CNTN5: variants seen among roughly 807,000 people sequenced by gnomAD.
The protein encoded by CNTN5 is contactin-5.
Under a neutral mutation model 129.1 loss-of-function variants are expected in CNTN5, and 77 were observed. The observed-to-expected ratio is 0.60, with a 90% CI of 0.50 to 0.72. The LOEUF (loss-of-function observed/expected upper bound fraction) is 0.72. Among genes scored for constraint, CNTN5 ranks in the 30% least tolerant of loss-of-function variants. CNTN5 has a pLI of 0.00. For synonymous variants in CNTN5, 509 were observed against 465.6 expected (o/e 1.09, Z -1.20); for missense variants, 1,478 against 1,328.8 (o/e 1.11, Z -1.75).
chr11:99,600,994 C>A (rs1320307958), intron 3 of CNTN5, among the ~76,000 whole-genome samples: 2 of 152,126 alleles, frequency 1.3e-5, no homozygotes, highest in African/African-American at 4.8e-5. Context: ...CCCTTCTCTC[C>A]TTGTTTTGTC....
chr11:99,740,674 A>G (rs1396302513), intron 3 of CNTN5, among the ~76,000 whole-genome samples: 1 of 152,192 alleles, frequency 6.6e-6, no homozygotes, highest in Non-Finnish European at 1.5e-5. Flanking sequence ...GGCATCAGGT[A>G]TAATTATCAA....
chr11:99,759,473 A>G (rs903120842), intron 3 of CNTN5, among the ~76,000 whole-genome samples: 2 of 152,066 alleles, frequency 1.3e-5, no homozygotes, highest in Non-Finnish European at 2.9e-5. Context: ...ACTGAAGCCT[A>G]CAGCACAGTT....
chr11:99,127,565 A>C (rs1158853834), intron 1 of CNTN5, among the ~76,000 whole-genome samples: 1 of 152,098 alleles, frequency 6.6e-6, no homozygotes, highest in Non-Finnish European at 1.5e-5. Flanking sequence ...TCAAGATCTC[A>C]CTTCACCAGT....
chr11:99,122,551 T>G (rs1269300363), intron 1 of CNTN5, among the ~76,000 whole-genome samples: 1 of 152,146 alleles, frequency 6.6e-6, no homozygotes, highest in East Asian at 1.9e-4. Context: ...TTATTATTTT[T>G]TTAACTTTTA....
chr11:99,346,639 G>A, intron 2 of CNTN5, among the ~76,000 whole-genome samples: 1 of 152,200 alleles, frequency 6.6e-6, no homozygotes, highest in South Asian at 2.1e-4. Context: ...TGGACTGAAT[G>A]TTTGCATTTC....
intron 3 of CNTN5, among the ~76,000 whole-genome samples, chr11:99,806,689 C>A (rs923944138): frequency 6.6e-6 from 1 of 151,784 alleles, no homozygotes; most frequent in African/African-American, 2.4e-5. Context: ...CACCTCTAAT[C>A]CCAGCTACTT....
At chr11:99,273,007 G>T (rs1250653583) in intron 1 of CNTN5, among the ~76,000 whole-genome samples, 1 of 151,810 alleles carries the variant, frequency 6.6e-6, no homozygotes, top group African/African-American at 2.4e-5. Flanking sequence ...CTGAAAGCCT[G>T]TCTAAACAAT....
chr11:100,224,146 G>T (rs1949322595), intron 15 of CNTN5, among the ~76,000 whole-genome samples: 1 of 152,102 alleles, frequency 6.6e-6, no homozygotes, highest in African/African-American at 2.4e-5. Flanking sequence ...AGTGGTTATG[G>T]GAGGAATATG....
At chr11:99,216,658 C>T (rs1860135019) in intron 1 of CNTN5, among the ~76,000 whole-genome samples, 1 of 151,880 alleles carries the variant, frequency 6.6e-6, no homozygotes, top group Non-Finnish European at 1.5e-5. Context: ...AAATCTAAGA[C>T]CTGAGACTAT....
chr11:99,033,570 G>C (rs1432762994), intron 1 of CNTN5, among the ~76,000 whole-genome samples: 2 of 151,966 alleles, frequency 1.3e-5, no homozygotes, highest in South Asian at 4.1e-4. Flanking sequence ...CTCTCTGTTT[G>C]TCTGTTGTTG....
At position 99,407,041 on chromosome 11, in the gene CNTN5, C is replaced by T. The variant is rs531224267; in HGVS notation, c.-71+81557C>T. Among the ~76,000 whole-genome samples, 5 of 152,064 alleles carry T rather than the reference C, an allele frequency of 3.3e-5. No individual in the cohort carries two copies. In the South Asian group the frequency reaches 1.0e-3, roughly 32 times the overall value. On this transcript the variant is annotated intron_variant, in intron 2 of 24. Coordinates refer to ENST00000524871, the MANE Select transcript of CNTN5 (RefSeq NM_014361.4). Reference sequence around the variant, plus strand: ...CCCAAGAGCCTGTTTGGTGTTCTATCCCCCTGTGGCCAAGCGAGTACCTAA... The same window carrying T: ...CCCAAGAGCCTGTTTGGTGTTCTATTCCCCTGTGGCCAAGCGAGTACCTAA...
chr11:99,469,233 G>T (rs1187593776), intron 2 of CNTN5, among the ~76,000 whole-genome samples: 2 of 152,050 alleles, frequency 1.3e-5, no homozygotes, highest in Non-Finnish European at 2.9e-5. Context: ...TTTCTATGGA[G>T]TCAATGAATA....
At chr11:99,685,595 GTCTC>G (rs147390775) in intron 3 of CNTN5, among the ~76,000 whole-genome samples, 2 of 151,710 alleles carry the variant, frequency 1.3e-5, no homozygotes, top group Non-Finnish European at 3.0e-5. Context: ...CTAATAAAAG[GTCTC>G]TCTATTTCTG....
chr11:100,137,253 T>A (rs1565276389), intron 13 of CNTN5, among the ~76,000 whole-genome samples: 1 of 152,106 alleles, frequency 6.6e-6, no homozygotes. Context: ...ATTCAGGCTG[T>A]TTTACCCATA....
At chr11:99,642,996 G>T (rs972140169) in intron 3 of CNTN5, among the ~76,000 whole-genome samples, 11 of 152,082 alleles carry the variant, frequency 7.2e-5, no homozygotes, top group African/African-American at 2.7e-4. Flanking sequence ...TTACCTGATT[G>T]ATATATATTT....
intron 7 of CNTN5, among the ~76,000 whole-genome samples, chr11:99,933,277 T>C (rs951474829): frequency 6.6e-6 from 1 of 152,204 alleles, no homozygotes; most frequent in Non-Finnish European, 1.5e-5. Flanking sequence ...GGCAAATTAA[T>C]ATTTGAGTCA....
chr11:99,385,429 G>C (rs1504732), intron 2 of CNTN5, among the ~76,000 whole-genome samples: 35,511 of 152,032 alleles, frequency 0.23, 4,830 homozygotes, highest in Middle Eastern at 0.32. Context: ...ATTTGGACTT[G>C]AACTGAGGGG....
At chr11:99,813,469 C>T (rs1946491143) in intron 3 of CNTN5, among the ~76,000 whole-genome samples, 1 of 151,994 alleles carries the variant, frequency 6.6e-6, no homozygotes, top group African/African-American at 2.4e-5. Flanking sequence ...AGCAAAACCA[C>T]AAAAAGAGAG....
chr11:99,973,143 C>A (rs1937691490), intron 8 of CNTN5, among the ~76,000 whole-genome samples: 1 of 152,122 alleles, frequency 6.6e-6, no homozygotes, highest in South Asian at 2.1e-4. Context: ...TATTCTGATG[C>A]AGTCAGTCTG....
Sources: allele counts gnomAD v4.1 joint callset (sites outside exome capture counted in the v4.1 genomes callset), GRCh38; gene constraint gnomAD v4.1.1; transcripts MANE v1.5; gene names NCBI Gene and HGNC (gene_info 2026-07-23, HGNC 2026-07-21).